Variants in TPD52L1 observed in about 807,000 individuals in gnomAD.
TPD52L1 encodes the protein TPD52 like 1, also known as tumor protein D53.
TPD52L1 carries 18 observed loss-of-function variants against 28.7 expected under a neutral mutation model. The ratio of observed to expected loss-of-function variants is 0.63; its 90% confidence interval spans 0.43 to 0.93. TPD52L1 has a LOEUF of 0.93. Ranked by LOEUF, TPD52L1 falls within the 40% of genes least tolerant of loss-of-function variation. TPD52L1 has a pLI of 0.00. For missense variants in TPD52L1, 203 were observed against 254.8 expected, an observed-to-expected ratio of 0.80 and a Z score of 1.39; for synonymous variants, 75 against 88.8, an observed-to-expected ratio of 0.84 and a Z score of 0.88.
chr6:125,165,076 T>C (rs1790784166), intron 1 of TPD52L1, among the ~76,000 whole-genome samples: 1 of 49,960 alleles, frequency 2.0e-5, no homozygotes. Flanking sequence ...CCCTGTCTCT[T>C]AAAAAAAAGA....
chr6:125,156,586 A>T (rs535791623), intron 1 of TPD52L1, among the ~76,000 whole-genome samples: 1 of 152,142 alleles, frequency 6.6e-6, no homozygotes, highest in Admixed American at 6.5e-5. Context: ...CCTGGGCAAC[A>T]TGGTGAAACG....
At chr6:125,191,042 TATAG>T (rs1248125470) in intron 1 of TPD52L1, among the ~76,000 whole-genome samples, 1 of 152,244 alleles carries the variant, frequency 6.6e-6, no homozygotes, top group African/African-American at 2.4e-5. Context: ...ACATATTAAC[TATAG>T]TGATTTGTAT....
chr6:125,215,457 C>T (rs184204385), intron 1 of TPD52L1, among the ~76,000 whole-genome samples: 48 of 152,230 alleles, frequency 3.2e-4, no homozygotes, highest in Middle Eastern at 3.4e-3. Context: ...CAGAGAGCAC[C>T]ACTGGGACAA....
At chr6:125,165,392 T>C (rs930573004) in intron 1 of TPD52L1, among the ~76,000 whole-genome samples, 5 of 152,152 alleles carry the variant, frequency 3.3e-5, no homozygotes, top group African/African-American at 1.2e-4. Context: ...CAAGGAAAGA[T>C]GAATTTTAAG....
chr6:125,245,968 G>A (rs1299925838), intron 3 of TPD52L1, among the ~76,000 whole-genome samples: 1 of 152,162 alleles, frequency 6.6e-6, no homozygotes, highest in Non-Finnish European at 1.5e-5. Flanking sequence ...GAAAGTTCAC[G>A]CCCAGTGGCA....
Position 125,258,337 on chromosome 6 carries a change from C to T in TPD52L1, c.486+1179C>T, listed in dbSNP as rs571619776. Among the ~76,000 whole-genome samples, 39 of 152,196 alleles carry T rather than the reference C, an allele frequency of 2.6e-4. No individual in the cohort carries two copies. In the South Asian group the frequency reaches 7.7e-3, roughly 30 times the overall value. On this transcript the variant is annotated intron_variant, in intron 6 of 6. Transcript: ENST00000534000. ...CATGCCAACATCATCGCTTATTGAG[C>T]GTACAGGAACCAATGGGAGCCGTTA...
At chr6:125,254,492 C>T (rs1483377044) in intron 5 of TPD52L1, among the ~76,000 whole-genome samples, 1 of 152,004 alleles carries the variant, frequency 6.6e-6, no homozygotes, top group Non-Finnish European at 1.5e-5. Flanking sequence ...GAGGCTAGAA[C>T]CAGATTAGCT....
intron 1 of TPD52L1, among the ~76,000 whole-genome samples, chr6:125,185,714 T>C (rs1488160797): frequency 6.6e-6 from 1 of 151,674 alleles, no homozygotes; most frequent in Non-Finnish European, 1.5e-5. Flanking sequence ...AAATGGAAAA[T>C]AGCAACAACT....
intron 1 of TPD52L1, among the ~76,000 whole-genome samples, chr6:125,201,850 C>T (rs1337493095): frequency 6.6e-6 from 1 of 152,122 alleles, no homozygotes; most frequent in Non-Finnish European, 1.5e-5. Context: ...ATTTCCATCT[C>T]CTTTAGCATT....
intron 2 of TPD52L1, among the ~76,000 whole-genome samples, chr6:125,221,192 A>G (rs1795207471): frequency 6.6e-6 from 1 of 152,252 alleles, no homozygotes; most frequent in Admixed American, 6.5e-5. Context: ...ATTTCATTTC[A>G]AAATGAAAGA....
chr6:125,179,982 C>T (rs915883507), intron 1 of TPD52L1, among the ~76,000 whole-genome samples: 1 of 152,150 alleles, frequency 6.6e-6, no homozygotes, highest in Non-Finnish European at 1.5e-5. Flanking sequence ...AAAGCCACTT[C>T]AACTAGAAAA....
chr6:125,188,882 T>C (rs757103790), intron 1 of TPD52L1, among the ~76,000 whole-genome samples: 2 of 152,232 alleles, frequency 1.3e-5, no homozygotes, highest in African/African-American at 2.4e-5. Context: ...ATTTCACATA[T>C]GCCAATAAGG....
At chr6:125,158,972 C>T (rs1010875812) in intron 1 of TPD52L1, among the ~76,000 whole-genome samples, 38 of 152,188 alleles carry the variant, frequency 2.5e-4, no homozygotes, top group Admixed American at 2.4e-3. Context: ...AAATTGCTAA[C>T]GATCATTTGT....
chr6:125,220,243 GTTA>G (rs756938921), intron 2 of TPD52L1, 50 bp downstream of exon 2: 1 of 1,166,066 alleles, frequency 8.6e-7, no homozygotes, highest in Non-Finnish European at 1.3e-6. Flanking sequence ...GATCTTAAGA[GTTA>G]TTATTAGTTT....
chr6:125,195,745 T>C (rs1313340495), intron 1 of TPD52L1, among the ~76,000 whole-genome samples: 1 of 152,162 alleles, frequency 6.6e-6, no homozygotes, highest in Admixed American at 6.5e-5. Flanking sequence ...ACATAGCAAC[T>C]CCTTCTTAAG....
At chr6:125,240,178 T>C (rs1796533054) in intron 3 of TPD52L1, among the ~76,000 whole-genome samples, 1 of 152,222 alleles carries the variant, frequency 6.6e-6, no homozygotes, top group African/African-American at 2.4e-5. Context: ...CTTCCATTGT[T>C]CTACGTGCCT....
chr6:125,216,284 T>C (rs1361220396), intron 1 of TPD52L1, among the ~76,000 whole-genome samples: 1 of 151,996 alleles, frequency 6.6e-6, no homozygotes, highest in Non-Finnish European at 1.5e-5. Context: ...AAAATGTCCA[T>C]GCCATTTGAC....
intron 1 of TPD52L1, among the ~76,000 whole-genome samples, chr6:125,191,637 G>C (rs561228285): frequency 1.3e-5 from 2 of 152,218 alleles, no homozygotes; most frequent in South Asian, 2.1e-4. Context: ...AGAGAAACAG[G>C]GTGCAGACAT....
intron 1 of TPD52L1, among the ~76,000 whole-genome samples, chr6:125,207,162 G>A (rs1794207330): frequency 6.6e-6 from 1 of 152,180 alleles, no homozygotes; most frequent in Non-Finnish European, 1.5e-5. Flanking sequence ...AGTGGTCGAT[G>A]TGGGGAAACT....
Sources: allele counts gnomAD v4.1 joint callset (sites outside exome capture counted in the v4.1 genomes callset), GRCh38; gene constraint gnomAD v4.1.1; transcripts MANE v1.5; gene names NCBI Gene and HGNC (gene_info 2026-07-23, HGNC 2026-07-21).